The following PPFIA2 variants were observed in gnomAD, a reference collection of about 807,000 sequenced individuals.
PPFIA2 encodes the protein PPFI scaffold protein A2.
A neutral mutation model predicts 175.5 loss-of-function variants in PPFIA2; 46 were observed. The ratio of observed to expected loss-of-function variants is 0.26; its 90% CI spans 0.21 to 0.34. PPFIA2 has a LOEUF of 0.34. Ranked by LOEUF, PPFIA2 falls within the 10% of genes least tolerant of loss-of-function variation. PPFIA2 has a pLI of 1.00. For synonymous variants in PPFIA2, 568 were observed against 511.4 expected (o/e 1.11, Z -1.49); for missense variants, 1,179 against 1,506.1 (o/e 0.78, Z 3.60).
chr12:81,424,988 G>A (rs1285017976), intron 7 of PPFIA2: 1 of 152,168 alleles, frequency 6.6e-6, no homozygotes, highest in African/African-American at 2.4e-5. Flanking sequence ...GGAGAGATTA[G>A]AAGAAATGAA....
intron 4 of PPFIA2, among the ~76,000 whole-genome samples, chr12:81,565,779 G>A (rs955017299): frequency 6.6e-6 from 1 of 152,144 alleles, no homozygotes; most frequent in Non-Finnish European, 1.5e-5. Context: ...CAAATGCCTA[G>A]AAACAGCTTT....
At chr12:81,434,539 T>C (rs2048650390) in intron 7 of PPFIA2, among the ~76,000 whole-genome samples, 1 of 152,074 alleles carries the variant, frequency 6.6e-6, no homozygotes, top group Admixed American at 6.6e-5. Context: ...TAGACACAAT[T>C]ATATACATAA....
intron 4 of PPFIA2, among the ~76,000 whole-genome samples, chr12:81,639,553 T>C (rs1002621536): frequency 1.3e-5 from 2 of 151,548 alleles, no homozygotes; most frequent in Non-Finnish European, 1.5e-5. Flanking sequence ...AAAAAATATA[T>C]ATATATATAG....
chr12:81,526,884 C>T (rs768554377), intron 4 of PPFIA2, among the ~76,000 whole-genome samples: 1 of 152,042 alleles, frequency 6.6e-6, no homozygotes, highest in Non-Finnish European at 1.5e-5. Flanking sequence ...ATTCTCATAA[C>T]AGATTTGTAC....
chr12:81,723,624 C>T (rs895016128), intron 3 of PPFIA2, among the ~76,000 whole-genome samples: 2 of 151,012 alleles, frequency 1.3e-5, no homozygotes, highest in East Asian at 1.9e-4. Context: ...TCATAAAAAA[C>T]GATGTCATCA....
Position 81,327,970 on chromosome 12 carries a change from A to T in PPFIA2, c.2549-2100T>A, listed in dbSNP as rs143940623. Among the ~76,000 whole-genome samples, 882 of 152,248 alleles carry T rather than the reference A, an allele frequency of 5.8e-3. 4 individuals are homozygous for T. The highest frequency in any genetic ancestry group is 7.1e-3 in the Non-Finnish European group (486 of 68,014). On this transcript the variant is annotated intron_variant, in intron 21 of 32. Transcript: ENST00000549396. Reference sequence around the variant, plus strand: ...CTCAAAAATGCCAAGTACAAATGGGACGTAAGGCCATTGTAAGTAAAGCTA... The same window carrying T: ...CTCAAAAATGCCAAGTACAAATGGGTCGTAAGGCCATTGTAAGTAAAGCTA...
At chr12:81,683,301 A>G (rs2073957207) in intron 3 of PPFIA2, among the ~76,000 whole-genome samples, 1 of 151,864 alleles carries the variant, frequency 6.6e-6, no homozygotes. Context: ...TGTCATCCTA[A>G]TCCCTTGTAC....
In PPFIA2 at chr12:81,747,883, T is replaced by A. The variant is rs1440407413; in HGVS notation, c.249+6090A>T. Among the ~76,000 whole-genome samples the A allele has an allele frequency of 2.1e-5, 3 of 144,526 alleles. 1 individual carries two copies. The highest frequency in any genetic ancestry group is 4.7e-5 in the Non-Finnish European group (3 of 64,384). The allele number at this position is 144,526 out of a possible 152,430, so 94.8% of individuals were successfully genotyped here. On this transcript the variant is annotated intron_variant, in intron 3 of 32. Transcript: ENST00000549396. ...AGCCTCTTTTAATTTCTCATCAAGA[T>A]GTACACCAGCACATCCCAAATTATA... is the stretch of plus-strand genomic sequence containing the variant.
intron 3 of PPFIA2, among the ~76,000 whole-genome samples, chr12:81,688,536 T>A (rs931312429): frequency 6.6e-6 from 1 of 151,430 alleles, no homozygotes; most frequent in Non-Finnish European, 1.5e-5. Flanking sequence ...TAATACCACA[T>A]AATTTAATTT....
chr12:81,380,314 T>A (rs1000037183), intron 9 of PPFIA2, among the ~76,000 whole-genome samples: 3 of 152,090 alleles, frequency 2.0e-5, no homozygotes, highest in Non-Finnish European at 4.4e-5. Flanking sequence ...TGCAGTGAGC[T>A]GAAAACACTA....
chr12:81,743,287 C>T (rs1030161868), intron 3 of PPFIA2, among the ~76,000 whole-genome samples: 8 of 151,648 alleles, frequency 5.3e-5, no homozygotes, highest in African/African-American at 1.9e-4. Context: ...CATGGTGGCA[C>T]ATGCCTGTTG....
intron 4 of PPFIA2, among the ~76,000 whole-genome samples, chr12:81,502,224 T>A (rs1208021335): frequency 1.3e-5 from 2 of 152,164 alleles, no homozygotes; most frequent in Non-Finnish European, 2.9e-5. Context: ...CCAGAAATTA[T>A]TTTGCAAGAA....
intron 3 of PPFIA2, among the ~76,000 whole-genome samples, chr12:81,708,014 G>T (rs1413450185): frequency 1.6e-5 from 2 of 125,422 alleles, no homozygotes; most frequent in East Asian, 4.9e-4. Context: ...ACACTCTGGG[G>T]ACTGTTGTGG....
intron 8 of PPFIA2, among the ~76,000 whole-genome samples, chr12:81,395,243 G>T (rs1254368038): frequency 6.6e-6 from 1 of 151,874 alleles, no homozygotes; most frequent in African/African-American, 2.4e-5. Context: ...TAAATGCCTA[G>T]AAATAAATCT....
intron 3 of PPFIA2, among the ~76,000 whole-genome samples, chr12:81,746,704 A>G (rs2083112702): frequency 6.9e-6 from 1 of 143,914 alleles, no homozygotes; most frequent in African/African-American, 2.4e-5. Flanking sequence ...AGAGGGAAAC[A>G]ATAATCAAAA....
intron 7 of PPFIA2, among the ~76,000 whole-genome samples, chr12:81,424,381 T>A (rs1162518365): frequency 6.6e-6 from 1 of 152,188 alleles, no homozygotes; most frequent in Non-Finnish European, 1.5e-5. Flanking sequence ...TGTTTACATA[T>A]AAAATACATC....
intron 22 of PPFIA2, among the ~76,000 whole-genome samples, chr12:81,307,084 C>T (rs891955660): frequency 5.3e-5 from 8 of 152,138 alleles, no homozygotes; most frequent in African/African-American, 1.7e-4. Context: ...ACTTTTTCAA[C>T]TATCAACAAC....
chr12:81,437,840 T>C (rs772799206), intron 7 of PPFIA2, among the ~76,000 whole-genome samples: 1 of 151,952 alleles, frequency 6.6e-6, no homozygotes, highest in Non-Finnish European at 1.5e-5. Flanking sequence ...ATCAACCCCA[T>C]CTCTTTCAAA....
intron 9 of PPFIA2, among the ~76,000 whole-genome samples, chr12:81,378,972 C>A (rs756353142): frequency 2.0e-4 from 31 of 152,002 alleles, no homozygotes; most frequent in Admixed American, 5.2e-4. Flanking sequence ...GCAGAAAACA[C>A]CCTCGATAAA....
Sources: gnomAD v4.1 joint callset for allele counts (sites outside exome capture counted in the v4.1 genomes callset) on GRCh38, gnomAD v4.1.1 for gene constraint, MANE v1.5 for transcripts, NCBI Gene and HGNC (gene_info 2026-07-23, HGNC 2026-07-21) for gene names.